The following SGCZ variants were observed in gnomAD, a reference collection of about 807,000 sequenced individuals.
The protein encoded by SGCZ is sarcoglycan zeta, also known as zeta-sarcoglycan.
SGCZ carries 40 observed loss-of-function variants against 41.3 expected under a neutral mutation model. The ratio of observed to expected loss-of-function variants is 0.97; its 90% CI spans 0.75 to 1.26. SGCZ has a LOEUF of 1.26. Among genes scored for constraint, SGCZ ranks in the 50% most tolerant of loss-of-function variants. The pLI is 0.00. For synonymous variants in SGCZ, 206 were observed against 137.5 expected (o/e 1.50, Z -3.49); for missense variants, 552 against 369.8 (o/e 1.49, Z -4.04).
At chr8:14,405,484 A>T (rs1312032002) in intron 2 of SGCZ, among the ~76,000 whole-genome samples, 1 of 152,170 alleles carries the variant, frequency 6.6e-6, no homozygotes, top group Non-Finnish European at 1.5e-5. Flanking sequence ...CGGTTATTTA[A>T]ATAATATACT....
chr8:14,308,267 C>T (rs1801411780), intron 3 of SGCZ, among the ~76,000 whole-genome samples: 1 of 151,822 alleles, frequency 6.6e-6, no homozygotes. Context: ...AATGAAAGCG[C>T]ACGGAAAGGT....
At chr8:14,471,247 ATTGT>A (rs767625961) in intron 2 of SGCZ, among the ~76,000 whole-genome samples, 2 of 152,142 alleles carry the variant, frequency 1.3e-5, no homozygotes, top group African/African-American at 2.4e-5. Flanking sequence ...GTAGAATGTT[ATTGT>A]TTGACTCATG....
chr8:14,753,127 C>G (rs925849087), intron 1 of SGCZ, among the ~76,000 whole-genome samples: 1 of 152,278 alleles, frequency 6.6e-6, no homozygotes, highest in East Asian at 1.9e-4. Flanking sequence ...GCTAATCTCA[C>G]GTGCATTTCT....
intron 2 of SGCZ, among the ~76,000 whole-genome samples, chr8:14,552,403 A>T (rs765230141): frequency 2.0e-5 from 3 of 152,138 alleles, no homozygotes; most frequent in Admixed American, 2.0e-4. Flanking sequence ...TGAAAACTTC[A>T]TCTGTGCATT....
At chr8:14,351,713 G>C (rs2117105671) in intron 2 of SGCZ, among the ~76,000 whole-genome samples, 1 of 152,106 alleles carries the variant, frequency 6.6e-6, no homozygotes, top group South Asian at 2.1e-4. Flanking sequence ...GAATTTGCTT[G>C]TAATGGTACA....
At chr8:14,193,101 A>G (rs1338271165) in intron 4 of SGCZ, among the ~76,000 whole-genome samples, 2 of 151,816 alleles carry the variant, frequency 1.3e-5, no homozygotes, top group Non-Finnish European at 3.0e-5. Flanking sequence ...TCTTTTTTCT[A>G]TATTATTATT....
intron 3 of SGCZ, among the ~76,000 whole-genome samples, chr8:14,315,632 C>G (rs959353401): frequency 6.6e-6 from 1 of 151,974 alleles, no homozygotes; most frequent in Non-Finnish European, 1.5e-5. Context: ...TTATTAGACA[C>G]ATGAGATGTG....
At chr8:14,609,390 C>A (rs1585122385) in intron 1 of SGCZ, among the ~76,000 whole-genome samples, 1 of 152,040 alleles carries the variant, frequency 6.6e-6, no homozygotes, top group African/African-American at 2.4e-5. Flanking sequence ...CTATCTGTCA[C>A]CAGATGTCTA....
chr8:14,519,645 C>A (rs1311790956), intron 2 of SGCZ, among the ~76,000 whole-genome samples: 2 of 152,024 alleles, frequency 1.3e-5, no homozygotes, highest in African/African-American at 4.8e-5. Context: ...GCCTCTCTAC[C>A]TTTCTTCGTG....
intron 1 of SGCZ, among the ~76,000 whole-genome samples, chr8:15,064,743 G>T (rs943240651): frequency 6.6e-6 from 1 of 152,134 alleles, no homozygotes. Flanking sequence ...CTAGTTTGGG[G>T]GGATCAGTGA....
chr8:14,998,881 T>C (rs1008700893), intron 1 of SGCZ, among the ~76,000 whole-genome samples: 3 of 152,202 alleles, frequency 2.0e-5, no homozygotes, highest in Admixed American at 1.3e-4. Flanking sequence ...TTGATATGGG[T>C]TACTGAGCCA....
chr8:14,152,870 C>T (rs138699319), intron 5 of SGCZ, among the ~76,000 whole-genome samples: 5 of 152,148 alleles, frequency 3.3e-5, no homozygotes, highest in East Asian at 3.9e-4. Context: ...TTGATATATA[C>T]GACAACTTGG....
At chr8:14,105,874 A>T (rs1802186635) in intron 6 of SGCZ, among the ~76,000 whole-genome samples, 1 of 152,250 alleles carries the variant, frequency 6.6e-6, no homozygotes, top group East Asian at 1.9e-4. Flanking sequence ...TTATAAAATG[A>T]GCATATAGTT....
chr8:14,104,485 G>A (rs1328455565), intron 6 of SGCZ, among the ~76,000 whole-genome samples: 1 of 151,842 alleles, frequency 6.6e-6, no homozygotes, highest in Non-Finnish European at 1.5e-5. Context: ...GAAAAAAGAA[G>A]AATTCAGACT....
intron 1 of SGCZ, among the ~76,000 whole-genome samples, chr8:14,586,552 T>C (rs899932684): frequency 6.6e-6 from 1 of 152,128 alleles, no homozygotes; most frequent in Non-Finnish European, 1.5e-5. Context: ...ATATTATCAT[T>C]TTAAGCATTT....
intron 1 of SGCZ, among the ~76,000 whole-genome samples, chr8:14,604,614 C>G (rs1439405827): frequency 6.6e-6 from 1 of 152,038 alleles, no homozygotes; most frequent in African/African-American, 2.4e-5. Flanking sequence ...TATCATTCCT[C>G]CAAGATATGA....
At chr8:14,390,897 G>C (rs1804747929) in intron 2 of SGCZ, among the ~76,000 whole-genome samples, 1 of 151,946 alleles carries the variant, frequency 6.6e-6, no homozygotes. Context: ...GTCCAACTTT[G>C]ACACCACTCA....
chr8:14,672,172 C>T (rs184200111), intron 1 of SGCZ, among the ~76,000 whole-genome samples: 1 of 152,218 alleles, frequency 6.6e-6, no homozygotes, highest in Admixed American at 6.5e-5. Context: ...AGGTTACGTA[C>T]AAACTATACC....
intron 2 of SGCZ, among the ~76,000 whole-genome samples, chr8:14,530,381 T>C (rs980294798): frequency 6.6e-6 from 1 of 152,108 alleles, no homozygotes; most frequent in Non-Finnish European, 1.5e-5. Context: ...TTAAACTTTA[T>C]TTTTCTGTCA....
Sources: allele counts gnomAD v4.1 joint callset (sites outside exome capture counted in the v4.1 genomes callset), GRCh38; gene constraint gnomAD v4.1.1; transcripts MANE v1.5; gene names NCBI Gene and HGNC (gene_info 2026-07-23, HGNC 2026-07-21).